The following ZNRF3 variants were observed in gnomAD, a reference collection of about 807,000 sequenced individuals.
The protein encoded by ZNRF3 is E3 ubiquitin-protein ligase ZNRF3.
In ZNRF3, 23 loss-of-function variants were observed where a neutral mutation model predicts 72.5. The ratio of observed to expected loss-of-function variants is 0.32; its 90% CI spans 0.23 to 0.45. The LOEUF is 0.45. ZNRF3 is among the 20% of genes least tolerant of loss of function. The pLI is 1.00. For missense variants in ZNRF3, 1,169 were observed against 1,272.1 expected, an observed-to-expected ratio of 0.92 and a Z score of 1.23; for synonymous variants, 610 against 545.3, an observed-to-expected ratio of 1.12 and a Z score of -1.65.
chr22:29,016,810 G>A (rs1298786423), intron 2 of ZNRF3, among the ~76,000 whole-genome samples: 1 of 152,212 alleles, frequency 6.6e-6, no homozygotes, highest in African/African-American at 2.4e-5. Context: ...TCCTTCCTGT[G>A]TCAAGCACCT....
At chr22:28,923,395 G>T (rs1201753005) in intron 1 of ZNRF3, among the ~76,000 whole-genome samples, 1 of 152,104 alleles carries the variant, frequency 6.6e-6, no homozygotes, top group Non-Finnish European at 1.5e-5. Context: ...GACACATTAG[G>T]AAAGTCAGAT....
At chr22:28,899,779 T>G (rs1196593990) in intron 1 of ZNRF3, among the ~76,000 whole-genome samples, 2 of 148,178 alleles carry the variant, frequency 1.3e-5, no homozygotes, top group African/African-American at 4.9e-5. Flanking sequence ...AGCCTCGACC[T>G]CCTAGGCTCA....
intron 3 of ZNRF3, 141 bp downstream of exon 3, chr22:29,042,710 C>T (rs2036987336): frequency 6.6e-6 from 5 of 755,316 alleles, no homozygotes; most frequent in Non-Finnish European, 1.1e-5. Flanking sequence ...CATGTTTGGA[C>T]ATAATTCCCA....
intron 1 of ZNRF3, among the ~76,000 whole-genome samples, chr22:28,919,793 C>T (rs750232844): frequency 6.6e-4 from 101 of 152,170 alleles, no homozygotes; most frequent in Non-Finnish European, 9.3e-4. Flanking sequence ...AGGCATGAGC[C>T]ACCACACCTG....
At position 29,053,640 on chromosome 22, in the gene ZNRF3, AC is replaced by A. The variant is rs1159293094; in HGVS notation, c.*20del. 3.1e-6 allele frequency: 5 copies of A among 1,611,764 alleles called. No homozygotes were observed. The highest frequency in any genetic ancestry group is 4.5e-5 in the East Asian group (2 of 44,794). ...GAGCCTGAGCTCAGGAGGAACTCTT[AC>A]CTGGAAATTGGGAACTGTATGGAGA... On this transcript the variant is annotated 3_prime_UTR_variant, in exon 9 of 9. Coordinates refer to ENST00000544604, the MANE Select transcript of ZNRF3 (RefSeq NM_001206998.2).
intron 1 of ZNRF3, among the ~76,000 whole-genome samples, chr22:28,910,241 A>G (rs1227540013): frequency 6.6e-6 from 1 of 152,048 alleles, no homozygotes; most frequent in East Asian, 1.9e-4. Context: ...GGGTTTCACC[A>G]TGTTGACCAG....
intron 2 of ZNRF3, 23 bp from the exon 3 acceptor site, chr22:29,042,472 T>C: frequency 6.2e-7 from 1 of 1,612,394 alleles, no homozygotes; most frequent in Non-Finnish European, 8.5e-7. Flanking sequence ...AGGGCCAACC[T>C]GCTGTTTTTT....
chr22:28,997,988 T>TAA (rs557887667), intron 2 of ZNRF3, among the ~76,000 whole-genome samples: 20 of 115,330 alleles, frequency 1.7e-4, no homozygotes, highest in Admixed American at 1.1e-3. Flanking sequence ...CCTGGCTCTT[T>TAA]AAAAAAAAAA....
intron 2 of ZNRF3, among the ~76,000 whole-genome samples, chr22:29,039,294 A>G (rs1418270913): frequency 6.6e-6 from 1 of 152,172 alleles, no homozygotes; most frequent in African/African-American, 2.4e-5. Flanking sequence ...CTGGGAAGGC[A>G]TTCCCTACCC....
At chr22:28,957,570 G>T (rs757142785) in intron 1 of ZNRF3, among the ~76,000 whole-genome samples, 10 of 151,988 alleles carry the variant, frequency 6.6e-5, no homozygotes, top group Non-Finnish European at 1.3e-4. Flanking sequence ...CTCCCAAGTA[G>T]CTGGGACTAC....
chr22:28,894,710 C>T (rs2033958898), intron 1 of ZNRF3, among the ~76,000 whole-genome samples: 1 of 152,204 alleles, frequency 6.6e-6, no homozygotes, highest in Non-Finnish European at 1.5e-5. Flanking sequence ...CATAGTGACA[C>T]TGTCAGTTGG....
At chr22:28,885,951 A>G (rs1165695309) in intron 1 of ZNRF3, among the ~76,000 whole-genome samples, 1 of 151,786 alleles carries the variant, frequency 6.6e-6, no homozygotes, top group Non-Finnish European at 1.5e-5. Context: ...AAAAGTCAAT[A>G]GTTGCTAAGT....
chr22:28,943,531 G>A (rs1423608687), intron 1 of ZNRF3, among the ~76,000 whole-genome samples: 1 of 152,180 alleles, frequency 6.6e-6, no homozygotes, highest in Non-Finnish European at 1.5e-5. Flanking sequence ...GTGTTTATGT[G>A]TGGCGGGGAT....
At chr22:28,980,245 G>T (rs142906470) in intron 1 of ZNRF3, among the ~76,000 whole-genome samples, 1 of 152,250 alleles carries the variant, frequency 6.6e-6, no homozygotes, top group African/African-American at 2.4e-5. Flanking sequence ...AAGGGGAATG[G>T]ATTATGGGAA....
chr22:29,001,526 C>A (rs2036147697), intron 2 of ZNRF3, among the ~76,000 whole-genome samples: 1 of 145,918 alleles, frequency 6.9e-6, no homozygotes, highest in Non-Finnish European at 1.5e-5. Flanking sequence ...GGCTGGAGTG[C>A]AGTGGCATGA....
intron 1 of ZNRF3, among the ~76,000 whole-genome samples, chr22:28,924,025 G>T (rs1166690805): frequency 6.6e-6 from 1 of 152,274 alleles, no homozygotes; most frequent in African/African-American, 2.4e-5. Flanking sequence ...GATCAAAGGC[G>T]CCGCGCACCG....
chr22:29,035,560 C>T (rs537444799), intron 2 of ZNRF3, among the ~76,000 whole-genome samples: 1 of 152,074 alleles, frequency 6.6e-6, no homozygotes, highest in Admixed American at 6.5e-5. Context: ...TCCAATATGT[C>T]CAGTCTATTT....
rs763892439 is a variant in ZNRF3, at chr22:29,008,802, G to A, written c.426+21601G>A. 7.9e-5 allele frequency among the ~76,000 whole-genome samples: 12 copies of A among 152,290 alleles called. No homozygotes were observed. The South Asian group carries it at 1.7e-3, about 21-fold the overall frequency. On this transcript the variant is annotated intron_variant, in intron 2 of 8. Transcript: ENST00000544604. ...GGAAGTTGGACATCTCGTACCACTC[G>A]CAATTGATTTTCTAATGCAGTTCTC...
At chr22:28,997,265 C>T (rs1356603544) in intron 2 of ZNRF3, among the ~76,000 whole-genome samples, 9 of 152,264 alleles carry the variant, frequency 5.9e-5, no homozygotes, top group South Asian at 2.1e-4. Context: ...CCTGGAAGCA[C>T]GCTGCAACTA....
Sources: gnomAD v4.1 joint callset for allele counts (sites outside exome capture counted in the v4.1 genomes callset) on GRCh38, gnomAD v4.1.1 for gene constraint, MANE v1.5 for transcripts, NCBI Gene and HGNC (gene_info 2026-07-23, HGNC 2026-07-21) for gene names.